Variants in BCAS3 observed in about 807,000 individuals in gnomAD.
BCAS3 encodes BCAS4/BCAS3 fusion.
A neutral mutation model predicts 116.1 loss-of-function variants in BCAS3; 53 were observed. The ratio of observed to expected loss-of-function variants is 0.46; its 90% CI spans 0.37 to 0.57. BCAS3 has a LOEUF of 0.57. BCAS3 is among the 20% of genes least tolerant of loss of function. BCAS3 has a pLI of 0.00. For synonymous variants in BCAS3, 391 were observed against 408.2 expected (o/e 0.96, Z 0.51); for missense variants, 917 against 1,165.4 (o/e 0.79, Z 3.10).
chr17:60,941,547 A>C lies in BCAS3; in HGVS notation c.1088-5672A>C, dbSNP rs555356916. On this transcript the variant is annotated intron_variant, in intron 13 of 23. Transcript: ENST00000407086. Reference sequence around the variant, plus strand: ...TTCTTTTTCTCCTTTCTGCTCTTTAAATTTTTTATATTATTTTTAAAATTT... The same window carrying C: ...TTCTTTTTCTCCTTTCTGCTCTTTACATTTTTTATATTATTTTTAAAATTT... Among the ~76,000 whole-genome samples the C allele has an allele frequency of 2.0e-5, 3 of 152,268 alleles. No homozygotes were observed. The East Asian group carries it at 5.8e-4, about 29-fold the overall frequency.
chr17:60,724,288 TG>T (rs2039580989), intron 5 of BCAS3, among the ~76,000 whole-genome samples: 3 of 151,058 alleles, frequency 2.0e-5, no homozygotes, highest in African/African-American at 7.3e-5. Flanking sequence ...CTGGGCATGA[TG>T]GTGTGTGCCT....
chr17:60,739,229 C>T (rs1386191037), intron 5 of BCAS3, among the ~76,000 whole-genome samples: 4 of 152,172 alleles, frequency 2.6e-5, no homozygotes, highest in African/African-American at 9.7e-5. Context: ...TATATATACA[C>T]ACACAATACC....
At chr17:61,257,420 CAAAAAAAAAAA>C (rs35124459) in intron 22 of BCAS3, among the ~76,000 whole-genome samples, 3 of 57,214 alleles carry the variant, frequency 5.2e-5, no homozygotes, top group African/African-American at 2.2e-4. Flanking sequence ...GACTCCATCT[CAAAAAAAAAAA>C]AAAAAAAAAA....
chr17:61,046,035 TTATATATATATAA>T (rs1205519519), intron 19 of BCAS3, among the ~76,000 whole-genome samples: 2 of 12,324 alleles, frequency 1.6e-4, no homozygotes, highest in Non-Finnish European at 2.2e-4. Context: ...ATATATATAT[TTATATATATATAA>T]TATATATATT....
chr17:60,736,461 C>T (rs1282405575), intron 5 of BCAS3, among the ~76,000 whole-genome samples: 4 of 152,114 alleles, frequency 2.6e-5, no homozygotes, highest in Admixed American at 6.6e-5. Context: ...GCTGGGATTA[C>T]AGGAGTGAGC....
intron 15 of BCAS3, among the ~76,000 whole-genome samples, chr17:60,997,070 G>A (rs1364538643): frequency 6.6e-6 from 1 of 152,134 alleles, no homozygotes; most frequent in African/African-American, 2.4e-5. Flanking sequence ...AGATCACCGG[G>A]CATGAATTAG....
intron 7 of BCAS3, among the ~76,000 whole-genome samples, chr17:60,831,214 T>C (rs1019181222): frequency 6.6e-6 from 1 of 152,014 alleles, no homozygotes; most frequent in Non-Finnish European, 1.5e-5. Flanking sequence ...CCTCATTCTG[T>C]CAACCAGGCT....
chr17:61,041,125 A>T lies in BCAS3; in HGVS notation c.2029+233A>T, dbSNP rs1801567555. ...AAATATATTTCTGTAATAAAAGTTA[A>T]GTTGATAGGGAATATCTGGAGGGCT... On this transcript the variant is annotated intron_variant, in intron 19 of 23. Transcript: ENST00000407086. The surrounding 1 kb of genome is among the most constrained non-coding windows in gnomAD (Gnocchi z 4.7). 1.3e-5 allele frequency among the ~76,000 whole-genome samples: 2 copies of T among 152,164 alleles called. No homozygotes were observed. Among genetic ancestry groups the T allele is most frequent in the South Asian group, 4.1e-4 (2 of 4,834 alleles).
intron 2 of BCAS3, among the ~76,000 whole-genome samples, chr17:60,680,709 C>T (rs547484374): frequency 5.3e-5 from 8 of 151,784 alleles, no homozygotes; most frequent in East Asian, 1.9e-4. Context: ...CGTCTCGGCT[C>T]GCTGCAGCCT....
intron 22 of BCAS3, among the ~76,000 whole-genome samples, chr17:61,164,440 A>C (rs1284051201): frequency 6.6e-6 from 1 of 152,066 alleles, no homozygotes; most frequent in Non-Finnish European, 1.5e-5. Context: ...AGGACATTTG[A>C]GGACAGGAGT....
intron 22 of BCAS3, among the ~76,000 whole-genome samples, chr17:61,297,347 A>G (rs559146488): frequency 1.3e-5 from 2 of 152,230 alleles, no homozygotes; most frequent in South Asian, 4.2e-4. Flanking sequence ...GAGCCTAAAG[A>G]ACAGCCGAGA....
chr17:60,979,403 G>T (rs2062641415), intron 14 of BCAS3, among the ~76,000 whole-genome samples: 2 of 149,514 alleles, frequency 1.3e-5, no homozygotes, highest in South Asian at 4.2e-4. Flanking sequence ...GAGATTTTGG[G>T]CTGAGACAAT....
Position 61,302,198 on chromosome 17 carries a change from C to A in BCAS3, c.2426-66129C>A, listed in dbSNP as rs1477168757. On this transcript the variant is annotated intron_variant, in intron 22 of 23. Transcript: ENST00000407086. The surrounding 1 kb of genome is among the most constrained non-coding windows in gnomAD (Gnocchi z 4.4). ...CCCTCCCCCGACTCCCAGGGTTCTCCTGTTCTCTCTGGTGTATTACTTGAC... is the reference window on the plus strand; with the variant it reads ...CCCTCCCCCGACTCCCAGGGTTCTCATGTTCTCTCTGGTGTATTACTTGAC... Among the ~76,000 whole-genome samples the A allele has an allele frequency of 2.0e-5, 3 of 152,186 alleles. No homozygotes were observed. Among genetic ancestry groups the A allele is most frequent in the Admixed American group, 1.3e-4 (2 of 15,274 alleles).
chr17:61,253,725 T>C (rs921972176), intron 22 of BCAS3, among the ~76,000 whole-genome samples: 1 of 151,518 alleles, frequency 6.6e-6, no homozygotes, highest in Non-Finnish European at 1.5e-5. Flanking sequence ...GGAACAGAGG[T>C]GCAGAGGTGG....
intron 6 of BCAS3, among the ~76,000 whole-genome samples, chr17:60,778,255 T>A (rs1208593764): frequency 6.6e-6 from 1 of 152,108 alleles, no homozygotes; most frequent in Non-Finnish European, 1.5e-5. Flanking sequence ...CTTTAGCGTC[T>A]CTTGTCTAGA....
intron 4 of BCAS3, among the ~76,000 whole-genome samples, chr17:60,693,687 G>A (rs2035181257): frequency 6.6e-6 from 1 of 151,514 alleles, no homozygotes; most frequent in Admixed American, 6.6e-5. Flanking sequence ...TACTGGGATT[G>A]CAGGTGTGAG....
intron 6 of BCAS3, among the ~76,000 whole-genome samples, chr17:60,761,391 T>C (rs951436296): frequency 1.3e-5 from 2 of 151,136 alleles, no homozygotes; most frequent in African/African-American, 4.9e-5. Context: ...GGCCCCGGTG[T>C]ATGCTGTTCC....
chr17:60,958,979 A>G (rs2061280761), intron 14 of BCAS3, among the ~76,000 whole-genome samples: 1 of 152,200 alleles, frequency 6.6e-6, no homozygotes, highest in Non-Finnish European at 1.5e-5. Context: ...TTAGAGCACC[A>G]AAAGAAACCT....
intron 19 of BCAS3, among the ~76,000 whole-genome samples, chr17:61,061,858 A>G (rs1280104409): frequency 1.3e-5 from 2 of 152,216 alleles, no homozygotes; most frequent in African/African-American, 4.8e-5. Context: ...GTGTTTGAGC[A>G]GTTGATAAAG....
Sources: allele counts gnomAD v4.1 joint callset (sites outside exome capture counted in the v4.1 genomes callset), GRCh38; gene constraint gnomAD v4.1.1; non-coding constraint Gnocchi (gnomAD v3.1); transcripts MANE v1.5; gene names NCBI Gene and HGNC (gene_info 2026-07-23, HGNC 2026-07-21).